TSPAN18: variants seen among roughly 807,000 people sequenced by gnomAD.
The protein encoded by TSPAN18 is tetraspanin-18.
A neutral mutation model predicts 27.3 loss-of-function variants in TSPAN18; 14 were observed. The observed-to-expected ratio is 0.51, with a 90% CI of 0.34 to 0.80. The LOEUF is 0.80. Among genes scored for constraint, TSPAN18 ranks in the 30% least tolerant of loss-of-function variants. TSPAN18 has a pLI of 0.01. For missense variants in TSPAN18, 268 were observed against 323.9 expected (o/e 0.83, Z 1.32); for synonymous variants, 143 against 136.5 (o/e 1.05, Z -0.33).
chr11:44,794,801 A>G (rs1216822235), intron 2 of TSPAN18, among the ~76,000 whole-genome samples: 1 of 152,244 alleles, frequency 6.6e-6, no homozygotes, highest in Non-Finnish European at 1.5e-5. Context: ...ATAAATGGGC[A>G]TAATAATGAA....
intron 8 of TSPAN18, among the ~76,000 whole-genome samples, chr11:44,922,319 A>T (rs771105034): frequency 7.9e-5 from 12 of 152,154 alleles, no homozygotes; most frequent in Middle Eastern, 3.4e-3. Flanking sequence ...GCATTTCACC[A>T]TGTTGTCCAG....
intron 2 of TSPAN18, among the ~76,000 whole-genome samples, chr11:44,782,545 C>CA (rs71038822): frequency 0.065 from 7,142 of 110,612 alleles, 584 homozygotes; most frequent in African/African-American, 0.21. Flanking sequence ...TCCGTCTCCA[C>CA]AAAAAAAAAA....
intron 2 of TSPAN18, among the ~76,000 whole-genome samples, chr11:44,836,721 GTAACA>G: frequency 6.6e-6 from 1 of 152,198 alleles, no homozygotes; most frequent in East Asian, 1.9e-4. Context: ...AATGCAATTG[GTAACA>G]TTAAGCTGAT....
chr11:44,814,697 C>T (rs1357689585), intron 2 of TSPAN18, among the ~76,000 whole-genome samples: 1 of 146,078 alleles, frequency 6.8e-6, no homozygotes, highest in African/African-American at 2.6e-5. Context: ...CACCCACCCA[C>T]CCACTCATTC....
At chr11:44,879,237 T>A (rs1316318387) in intron 3 of TSPAN18, among the ~76,000 whole-genome samples, 1 of 151,960 alleles carries the variant, frequency 6.6e-6, no homozygotes, top group Non-Finnish European at 1.5e-5. Context: ...CACACGGAGA[T>A]TTATCCCTCC....
chr11:44,797,975 C>CA (rs1432924991), intron 2 of TSPAN18, among the ~76,000 whole-genome samples: 1 of 152,192 alleles, frequency 6.6e-6, no homozygotes, highest in Admixed American at 6.5e-5. Flanking sequence ...AAGTCCTGCA[C>CA]AAAGGAGCCT....
intron 3 of TSPAN18, among the ~76,000 whole-genome samples, chr11:44,896,799 CACT>C: frequency 6.6e-6 from 1 of 152,112 alleles, no homozygotes; most frequent in African/African-American, 2.4e-5. Context: ...CCACCACCAC[CACT>C]ACCACCACTC....
intron 5 of TSPAN18, among the ~76,000 whole-genome samples, chr11:44,913,763 C>G (rs969023255): frequency 6.6e-6 from 1 of 152,226 alleles, no homozygotes; most frequent in Non-Finnish European, 1.5e-5. Context: ...ATTTTTCCAT[C>G]CTAAGGAAAG....
chr11:44,736,657 G>A (rs1854802464), intron 1 of TSPAN18: 1 of 152,254 alleles, frequency 6.6e-6, no homozygotes, highest in Admixed American at 6.5e-5. Context: ...GGATTTAGCT[G>A]TGGAGGCTGG....
intron 1 of TSPAN18, among the ~76,000 whole-genome samples, chr11:44,763,907 A>G (rs931541233): frequency 5.3e-5 from 8 of 152,112 alleles, no homozygotes; most frequent in Non-Finnish European, 1.2e-4. Context: ...TAATTTATAT[A>G]TAAAAAAAGA....
intron 1 of TSPAN18, among the ~76,000 whole-genome samples, chr11:44,745,582 AGGTACTTCTG>A (rs1237500859): frequency 6.6e-6 from 1 of 152,176 alleles, no homozygotes; most frequent in Non-Finnish European, 1.5e-5. Flanking sequence ...AAGGGGCACG[AGGTACTTCTG>A]GGTGCTGGTG....
intron 9 of TSPAN18, among the ~76,000 whole-genome samples, chr11:44,928,161 C>T (rs1396737408): frequency 6.6e-6 from 1 of 152,150 alleles, no homozygotes; most frequent in Non-Finnish European, 1.5e-5. Flanking sequence ...GGTCAGAGTC[C>T]CTGAGCTAGG....
intron 1 of TSPAN18, among the ~76,000 whole-genome samples, chr11:44,738,364 GC>G (rs1055589505): frequency 6.6e-6 from 1 of 152,048 alleles, no homozygotes; most frequent in Non-Finnish European, 1.5e-5. Flanking sequence ...CCTGGCTGGA[GC>G]CCCCCCGGCT....
At chr11:44,728,176 G>A (rs1038705261) in intron 1 of TSPAN18, among the ~76,000 whole-genome samples, 2 of 152,242 alleles carry the variant, frequency 1.3e-5, no homozygotes, top group Non-Finnish European at 2.9e-5. Context: ...GCGGGACCAA[G>A]AGTGAGGCGA....
intron 1 of TSPAN18, among the ~76,000 whole-genome samples, chr11:44,735,093 C>T (rs1200884732): frequency 6.6e-6 from 1 of 152,210 alleles, no homozygotes; most frequent in Non-Finnish European, 1.5e-5. Context: ...CATTCTTCTC[C>T]TGAGCATAGT....
chr11:44,735,303 G>A (rs1254183510), intron 1 of TSPAN18, among the ~76,000 whole-genome samples: 2 of 152,172 alleles, frequency 1.3e-5, no homozygotes, highest in African/African-American at 2.4e-5. Flanking sequence ...CCTTTGAGGC[G>A]GCTTATTGCT....
intron 3 of TSPAN18, among the ~76,000 whole-genome samples, chr11:44,879,276 T>C (rs1421371830): frequency 6.6e-6 from 1 of 151,910 alleles, no homozygotes; most frequent in South Asian, 2.1e-4. Flanking sequence ...TCCTTCCTCC[T>C]TCTTCTTTCC....
At chr11:44,728,563 C>T (rs1241093290) in intron 1 of TSPAN18, among the ~76,000 whole-genome samples, 2 of 152,122 alleles carry the variant, frequency 1.3e-5, no homozygotes, top group Non-Finnish European at 2.9e-5. Context: ...AAGACTTCAG[C>T]AGTCCAGGCA....
intron 2 of TSPAN18, among the ~76,000 whole-genome samples, chr11:44,797,053 T>A (rs1856366922): frequency 6.6e-6 from 1 of 152,118 alleles, no homozygotes; most frequent in Admixed American, 6.5e-5. Flanking sequence ...ATTTTTTCCT[T>A]TGGAGATAAG....
Sources: allele counts gnomAD v4.1 joint callset (sites outside exome capture counted in the v4.1 genomes callset), GRCh38; gene constraint gnomAD v4.1.1; transcripts MANE v1.5; gene names NCBI Gene and HGNC (gene_info 2026-07-23, HGNC 2026-07-21).